FBXL13: variants seen among roughly 807,000 people sequenced by gnomAD.
FBXL13 encodes the protein F-box and leucine rich repeat protein 13.
FBXL13 carries 67 observed loss-of-function variants against 83.6 expected under a neutral mutation model. That is an observed-to-expected ratio of 0.80 (90% CI 0.66 to 0.98). FBXL13 has a LOEUF of 0.98. Among genes scored for constraint, FBXL13 ranks in the 50% least tolerant of loss-of-function variants. FBXL13 has a pLI of 0.00. For missense variants in FBXL13, 822 were observed against 866.5 expected, an observed-to-expected ratio of 0.95 and a Z score of 0.64; for synonymous variants, 272 against 299.5, an observed-to-expected ratio of 0.91 and a Z score of 0.95.
chr7:102,867,884 G>C (rs577437232), intron 16 of FBXL13, among the ~76,000 whole-genome samples: 14 of 150,122 alleles, frequency 9.3e-5, no homozygotes, highest in Non-Finnish European at 1.5e-4. Flanking sequence ...TTGTATTTTT[G>C]GTAGAGACGG....
At chr7:102,850,712 C>A (rs118067072) in intron 17 of FBXL13, among the ~76,000 whole-genome samples, 4,131 of 152,194 alleles carry the variant, frequency 0.027, 85 homozygotes, top group Non-Finnish European at 0.036. Flanking sequence ...TAAAGAGTTA[C>A]AATATTTCCA....
At chr7:102,896,574 G>A (rs1483240972) in intron 11 of FBXL13, among the ~76,000 whole-genome samples, 3 of 152,178 alleles carry the variant, frequency 2.0e-5, no homozygotes, top group Non-Finnish European at 4.4e-5. Context: ...GGTTCTGGAG[G>A]CACAAAGTCT....
chr7:103,043,414 G>A (rs1316138612), intron 2 of FBXL13, among the ~76,000 whole-genome samples: 2 of 152,290 alleles, frequency 1.3e-5, no homozygotes, highest in Non-Finnish European at 2.9e-5. Flanking sequence ...ACAGTGTGGT[G>A]ATTCCTCAAG....
chr7:103,027,843 G>C (rs1319643740), intron 4 of FBXL13, among the ~76,000 whole-genome samples: 2 of 152,052 alleles, frequency 1.3e-5, no homozygotes, highest in Non-Finnish European at 2.9e-5. Flanking sequence ...GTTGTTCTTT[G>C]TAAAACCAGA....
At chr7:102,958,259 C>T (rs1449538091) in intron 8 of FBXL13, among the ~76,000 whole-genome samples, 1 of 151,952 alleles carries the variant, frequency 6.6e-6, no homozygotes, top group Admixed American at 6.6e-5. Context: ...AGCTGGAAAC[C>T]ATCATTCTCA....
intron 16 of FBXL13, among the ~76,000 whole-genome samples, chr7:102,857,986 G>C (rs1310730063): frequency 6.6e-6 from 1 of 151,898 alleles, no homozygotes; most frequent in Non-Finnish European, 1.5e-5. Context: ...TATATCAAAG[G>C]GATACCTACA....
At chr7:102,820,762 CATG>C (rs1798696227) in intron 19 of FBXL13, among the ~76,000 whole-genome samples, 2 of 152,234 alleles carry the variant, frequency 1.3e-5, no homozygotes, top group Admixed American at 1.3e-4. Context: ...AACCCACTCC[CATG>C]ATAACTAACT....
chr7:102,989,543 C>T (rs886414297), intron 6 of FBXL13, among the ~76,000 whole-genome samples: 14 of 152,208 alleles, frequency 9.2e-5, no homozygotes, highest in African/African-American at 3.1e-4. Context: ...GCTTGCAATT[C>T]AGCTCCTGCT....
At chr7:102,929,204 T>C (rs1327862123) in intron 9 of FBXL13, among the ~76,000 whole-genome samples, 1 of 152,168 alleles carries the variant, frequency 6.6e-6, no homozygotes, top group Non-Finnish European at 1.5e-5. Flanking sequence ...AAAAGATGTT[T>C]TACTGTGGAA....
intron 1 of FBXL13, among the ~76,000 whole-genome samples, chr7:103,058,353 A>G (rs1797535164): frequency 6.6e-6 from 1 of 152,232 alleles, no homozygotes; most frequent in Admixed American, 6.5e-5. Context: ...ATAGTTGCAC[A>G]GGAGATTAGT....
intron 8 of FBXL13, among the ~76,000 whole-genome samples, chr7:102,956,795 G>C (rs1181179741): frequency 2.0e-5 from 3 of 152,110 alleles, no homozygotes; most frequent in Non-Finnish European, 4.4e-5. Context: ...TTGCTGCAAA[G>C]AGAATAAAAT....
At chr7:102,858,691 T>C (rs1806381689) in intron 16 of FBXL13, among the ~76,000 whole-genome samples, 1 of 152,228 alleles carries the variant, frequency 6.6e-6, no homozygotes, top group South Asian at 2.1e-4. Flanking sequence ...TGCTACTATA[T>C]GAACGAAACT....
At chr7:102,971,750 GCA>G (rs959117265) in intron 6 of FBXL13, among the ~76,000 whole-genome samples, 3 of 152,094 alleles carry the variant, frequency 2.0e-5, no homozygotes, top group Non-Finnish European at 4.4e-5. Flanking sequence ...TTAAGGCCAG[GCA>G]CAGTGGCTCA....
intron 16 of FBXL13, chr7:102,857,877 C>T (rs193197340): frequency 1.1e-4 from 17 of 152,042 alleles, no homozygotes; most frequent in Admixed American, 7.9e-4. Flanking sequence ...ATTAATACAG[C>T]GATTATGGAA....
Position 103,062,041 on chromosome 7 carries a change from AAAAC to A in FBXL13, c.-104-6298_-104-6295del, listed in dbSNP as rs1292527093. Reference sequence around the variant, plus strand: ...CATAATTACCAAAAAAAAAAAAAAAAAAACAAACCTTTGCTTTAAAACCATAATT... The same window carrying A: ...CATAATTACCAAAAAAAAAAAAAAAAAAACCTTTGCTTTAAAACCATAATT... On this transcript the variant is annotated intron_variant, in intron 1 of 19. Transcript: ENST00000313221. Among the ~76,000 whole-genome samples the A allele has an allele frequency of 6.1e-3, 913 of 150,236 alleles. 4 individuals are homozygous for A. The highest frequency in any genetic ancestry group is 0.021 in the African/African-American group (857 of 40,032).
At chr7:102,884,152 G>T (rs1810474963) in intron 12 of FBXL13, 62 bp downstream of exon 13, 2 of 1,127,154 alleles carry the variant, frequency 1.8e-6, no homozygotes, top group African/African-American at 1.5e-5. Context: ...AGTAATTCAA[G>T]CCATTAGAAC....
chr7:102,981,402 T>TCCTGTGCAAATG (rs11271766), intron 6 of FBXL13, among the ~76,000 whole-genome samples: 147,882 of 151,986 alleles, frequency 0.97, 72,102 homozygotes, highest in East Asian at 1. Context: ...TGCACACCTT[T>TCCTGTGCAAATG]CCCCCCCTTA....
chr7:102,965,929 T>C (rs985017765), intron 7 of FBXL13, among the ~76,000 whole-genome samples: 2 of 152,188 alleles, frequency 1.3e-5, no homozygotes, highest in Non-Finnish European at 2.9e-5. Context: ...TGATATCACG[T>C]GCTCAGACTG....
At chr7:102,965,145 C>T (rs1460798923) in intron 7 of FBXL13, among the ~76,000 whole-genome samples, 1 of 152,066 alleles carries the variant, frequency 6.6e-6, no homozygotes, top group Non-Finnish European at 1.5e-5. Context: ...TGTAAAAGAA[C>T]CTTAAGAGGA....
Sources: gnomAD v4.1 joint callset for allele counts (sites outside exome capture counted in the v4.1 genomes callset) on GRCh38, gnomAD v4.1.1 for gene constraint, MANE v1.5 for transcripts, NCBI Gene and HGNC (gene_info 2026-07-23, HGNC 2026-07-21) for gene names.